Variants in SLC30A8 observed in about 807,000 individuals in gnomAD.
SLC30A8 encodes the protein solute carrier family 30 member 8.
In SLC30A8, 27 loss-of-function variants were observed where a neutral mutation model predicts 36.9. That is an observed-to-expected ratio of 0.73 (90% confidence interval 0.54 to 1.01). SLC30A8 has a LOEUF of 1.01. SLC30A8 is among the 50% of genes least tolerant of loss of function. The pLI, the probability that SLC30A8 is intolerant of heterozygous loss-of-function variation, is 0.00. For synonymous variants in SLC30A8, 164 were observed against 172.4 expected, an observed-to-expected ratio of 0.95 and a Z score of 0.38; for missense variants, 439 against 452.0, an observed-to-expected ratio of 0.97 and a Z score of 0.26.
chr8:117,093,972 T>C (rs1466780227), intron 2 of SLC30A8, among the ~76,000 whole-genome samples: 1 of 152,226 alleles, frequency 6.6e-6, no homozygotes, highest in Non-Finnish European at 1.5e-5. Context: ...TGGCGCTGGC[T>C]CCCTGCGAGG....
intron 1 of SLC30A8, among the ~76,000 whole-genome samples, chr8:116,970,717 A>C (rs1184993826): frequency 6.6e-6 from 1 of 152,212 alleles, no homozygotes; most frequent in Non-Finnish European, 1.5e-5. Flanking sequence ...TCATACCTAC[A>C]CACACAAATA....
At chr8:116,985,293 T>TAC (rs71305454) in intron 1 of SLC30A8, among the ~76,000 whole-genome samples, 16,052 of 140,116 alleles carry the variant, frequency 0.11, 838 homozygotes, top group East Asian at 0.2. Flanking sequence ...CTCACACACA[T>TAC]ACACACACAC....
intron 1 of SLC30A8, among the ~76,000 whole-genome samples, chr8:116,990,718 CAGTATT>C (rs1202181390): frequency 6.6e-6 from 1 of 152,064 alleles, no homozygotes; most frequent in Non-Finnish European, 1.5e-5. Flanking sequence ...AGCAATGCAC[CAGTATT>C]AGTTTCTTGG....
chr8:116,987,362 A>G (rs1490698340), intron 1 of SLC30A8, among the ~76,000 whole-genome samples: 4 of 152,088 alleles, frequency 2.6e-5, no homozygotes, highest in African/African-American at 7.2e-5. Context: ...TAATGGATGC[A>G]GCACACCAAC....
chr8:116,954,324 T>C (rs576562891), intron 1 of SLC30A8, among the ~76,000 whole-genome samples: 1 of 152,182 alleles, frequency 6.6e-6, no homozygotes, highest in Non-Finnish European at 1.5e-5. Flanking sequence ...CAATATTAAA[T>C]GGCATTTGAA....
At chr8:117,122,578 G>C (rs771039879) in intron 2 of SLC30A8, among the ~76,000 whole-genome samples, 2 of 151,932 alleles carry the variant, frequency 1.3e-5, no homozygotes, top group African/African-American at 2.4e-5. Context: ...CCATCTACAA[G>C]CACTCTTCAT....
rs1821304016 is a variant in SLC30A8 at position 117,135,213 on chromosome 8, CT to C, written c.-111del. On this transcript the variant is annotated 5_prime_UTR_variant, in exon 1 of 8. Transcript: ENST00000456015. The stretch of plus-strand genomic sequence containing the variant: ...AGCTCATTATTTTAATTTCTGGAGC[CT>C]TTTAATTTTTTCTTTAGAAAGTGTA... The C allele has an allele frequency of 1.6e-6, 1 of 609,024 alleles. No homozygotes were observed. The highest frequency in any genetic ancestry group is 4.1e-5 in the South Asian group (1 of 24,132). 37.7% of individuals were successfully genotyped at this position (609,024 alleles called of 1,614,324 possible).
intron 6 of SLC30A8, among the ~76,000 whole-genome samples, chr8:117,168,937 A>G (rs549082038): frequency 6.6e-6 from 1 of 152,204 alleles, no homozygotes; most frequent in Admixed American, 6.5e-5. Flanking sequence ...TAAGAATTGT[A>G]ACCTTAATAA....
chr8:116,978,250 ATATTAT>A (rs752848305), intron 1 of SLC30A8, among the ~76,000 whole-genome samples: 1 of 152,102 alleles, frequency 6.6e-6, no homozygotes, highest in African/African-American at 2.4e-5. Context: ...TCAGTGTTTG[ATATTAT>A]TATTAATAAT....
chr8:117,172,671 C>T lies in SLC30A8; in HGVS notation c.1100C>T (p.Pro367Leu), dbSNP rs1240973459. 5 of 1,613,534 alleles carry T rather than the reference C, an allele frequency of 3.1e-6. No homozygotes were observed. The highest frequency in any genetic ancestry group is 4.2e-6 in the Non-Finnish European group (5 of 1,179,664). The change falls in exon 8 of 8, where the codon CCC becomes CTC. Residue 367 changes from proline (P) to leucine (L), a missense_variant. Transcript: ENST00000456015. ...QDPDCLFCED[P>L]CD ...CCCGACTGCCTTTTCTGTGAAGACCCCTGTGACTAGCTCAGTCACACCGTC... is the reference window on the plus strand; with the variant it reads ...CCCGACTGCCTTTTCTGTGAAGACCTCTGTGACTAGCTCAGTCACACCGTC...
intron 2 of SLC30A8, among the ~76,000 whole-genome samples, chr8:117,112,040 G>A (rs981888576): frequency 3.3e-5 from 5 of 152,166 alleles, no homozygotes; most frequent in Admixed American, 6.5e-5. Context: ...TGGGCTATGC[G>A]TCCCTCTGTA....
At chr8:117,138,080 AG>A (rs57516542) in intron 1 of SLC30A8, among the ~76,000 whole-genome samples, 1,656 of 145,960 alleles carry the variant, frequency 0.011, 19 homozygotes, top group African/African-American at 0.036. Context: ...AAAAAAAAAA[AG>A]AAAAAGAAAA....
At chr8:117,114,768 G>A (rs1278527575) in intron 2 of SLC30A8, among the ~76,000 whole-genome samples, 1 of 152,064 alleles carries the variant, frequency 6.6e-6, no homozygotes. Context: ...ATAGCAGTGT[G>A]AAAATGACCA....
At chr8:117,074,694 G>T (rs1415294146) in intron 2 of SLC30A8, among the ~76,000 whole-genome samples, 1 of 152,090 alleles carries the variant, frequency 6.6e-6, no homozygotes, top group Non-Finnish European at 1.5e-5. Context: ...AGTGATACTC[G>T]TCATCTTTTG....
intron 4 of SLC30A8, 93 bp from the exon 5 acceptor site, chr8:117,161,645 G>T: frequency 2.5e-6 from 3 of 1,199,252 alleles, no homozygotes; most frequent in Non-Finnish European, 2.3e-6. Flanking sequence ...CCATCATTTT[G>T]GATAATGCAT....
chr8:117,155,723 A>G (rs1822448166), intron 3 of SLC30A8, among the ~76,000 whole-genome samples: 1 of 152,222 alleles, frequency 6.6e-6, no homozygotes, highest in African/African-American at 2.4e-5. Context: ...TCTCACAGTT[A>G]TGAGAAACAG....
chr8:117,169,046 G>C (rs1188418220), intron 6 of SLC30A8, among the ~76,000 whole-genome samples: 2 of 152,096 alleles, frequency 1.3e-5, no homozygotes, highest in South Asian at 4.1e-4. Context: ...ATAAAAGTTT[G>C]TTATTATTAT....
At chr8:117,129,863 T>C (rs530106435) in intron 2 of SLC30A8, 2 of 152,100 alleles carry the variant, frequency 1.3e-5, no homozygotes, top group South Asian at 4.1e-4. Context: ...ATGTTTTGTG[T>C]TTGCTTGTTA....
intron 1 of SLC30A8, among the ~76,000 whole-genome samples, chr8:116,968,741 A>G (rs1289122168): frequency 6.6e-6 from 1 of 151,140 alleles, no homozygotes; most frequent in Non-Finnish European, 1.5e-5. Flanking sequence ...CTTTTTTTTA[A>G]TTTATTTATT....
Sources: allele counts gnomAD v4.1 joint callset (sites outside exome capture counted in the v4.1 genomes callset), GRCh38; gene constraint gnomAD v4.1.1; transcripts MANE v1.5; gene names NCBI Gene and HGNC (gene_info 2026-07-23, HGNC 2026-07-21).